The following PLBD1 variants were observed in gnomAD, a reference collection of about 807,000 sequenced individuals.
The protein encoded by PLBD1 is phospholipase B domain containing 1, also known as lysosomal leucine aminopeptidase.
In PLBD1, 60 loss-of-function variants were observed where a neutral mutation model predicts 63.0. That is an observed-to-expected ratio of 0.95 (90% confidence interval 0.77 to 1.18). PLBD1 has a LOEUF of 1.18. Among genes scored for constraint, PLBD1 ranks in the 50% most tolerant of loss-of-function variants. The pLI is 0.00. For synonymous variants in PLBD1, 262 were observed against 248.0 expected (o/e 1.06, Z -0.53); for missense variants, 598 against 677.9 (o/e 0.88, Z 1.31).
intron 6 of PLBD1, among the ~76,000 whole-genome samples, chr12:14,526,794 G>A (rs1945418388): frequency 6.6e-6 from 1 of 152,110 alleles, no homozygotes; most frequent in African/African-American, 2.4e-5. Flanking sequence ...CCAACATGAA[G>A]AAACCCCATC....
At chr12:14,532,138 C>T (rs1045721105) in intron 6 of PLBD1, among the ~76,000 whole-genome samples, 12 of 152,190 alleles carry the variant, frequency 7.9e-5, no homozygotes, top group Admixed American at 7.9e-4. Context: ...AGGTGAGAAG[C>T]CTATAAGTCG....
intron 5 of PLBD1, chr12:14,536,271 C>T (rs1945513843): frequency 3.3e-6 from 1 of 305,760 alleles, no homozygotes. Context: ...TGCACTCCAG[C>T]CTGGGCAACA....
intron 6 of PLBD1, among the ~76,000 whole-genome samples, chr12:14,535,109 T>C (rs1945502117): frequency 6.6e-6 from 1 of 152,228 alleles, no homozygotes; most frequent in Non-Finnish European, 1.5e-5. Context: ...TTGTAGCACA[T>C]ACAGTATCCA....
At chr12:14,521,952 T>TA (rs1027884017) in intron 6 of PLBD1, among the ~76,000 whole-genome samples, 18 of 150,676 alleles carry the variant, frequency 1.2e-4, no homozygotes, top group East Asian at 9.7e-4. Context: ...GAGATATCAT[T>TA]AAAAAAAAAC....
rs1353458407 is a variant in PLBD1 at position 14,535,409 on chromosome 12, AT to A, written c.844+249del. ...ACTCAGTTGGCATTTGTTGAAATAA[AT>A]TTAGATGTAGCCATTTACATTTACA... is the stretch of plus-strand genomic sequence containing the variant. On this transcript the variant is annotated intron_variant, in intron 6 of 10. Coordinates refer to ENST00000240617, the MANE Select transcript of PLBD1 (RefSeq NM_024829.6). Among the ~76,000 whole-genome samples the A allele has an allele frequency of 2.0e-5, 3 of 152,248 alleles. No individual in the cohort carries two copies. The South Asian group carries it at 6.2e-4, about 31-fold the overall frequency.
intron 3 of PLBD1, 74 bp downstream of exon 3, chr12:14,542,134 A>C: frequency 1.5e-6 from 2 of 1,318,876 alleles, no homozygotes. Flanking sequence ...TTGGCAAAAA[A>C]TTGCTGCTTG....
At chr12:14,563,925 C>T (rs558961771) in intron 1 of PLBD1, among the ~76,000 whole-genome samples, 8 of 152,190 alleles carry the variant, frequency 5.3e-5, no homozygotes, top group African/African-American at 1.7e-4. Flanking sequence ...GGCCTTATGT[C>T]GAATGAATTT....
intron 1 of PLBD1, among the ~76,000 whole-genome samples, chr12:14,567,112 C>A (rs1365206792): frequency 1.3e-5 from 2 of 152,062 alleles, no homozygotes; most frequent in African/African-American, 4.8e-5. Context: ...ACAACAAAAC[C>A]AAAAGGCCCT....
rs748716383 is a variant in PLBD1 at position 14,507,063 on chromosome 12, G to A, written c.1242C>T (p.Gly414=). Residue 414 remains glycine, a synonymous_variant, in exon 9 of 11, where the codon GGC becomes GGT. Transcript: ENST00000240617. ...CCAGCTTCTGAACTAACAGTGGATAGCCACTCCAGTTGTAGATTTTTTCAT... is the reference window on the plus strand; with the variant it reads ...CCAGCTTCTGAACTAACAGTGGATAACCACTCCAGTTGTAGATTTTTTCAT... The part of the protein sequence containing the change: ...PFHEKIYNWS[G]YPLLVQKLGL... 3.0e-5 allele frequency: 49 copies of A among 1,613,660 alleles called. No individual in the cohort carries two copies. Among genetic ancestry groups the A allele is most frequent in the Non-Finnish European group, 3.7e-5 (44 of 1,179,748 alleles).
At chr12:14,504,472 A>C (rs1415452362) in intron 10 of PLBD1, among the ~76,000 whole-genome samples, 1 of 152,256 alleles carries the variant, frequency 6.6e-6, no homozygotes, top group African/African-American at 2.4e-5. Context: ...AATGTAGCCA[A>C]AAGTGAGATA....
intron 6 of PLBD1, among the ~76,000 whole-genome samples, chr12:14,515,446 T>TATA (rs888805907): frequency 5.3e-5 from 8 of 152,080 alleles, no homozygotes; most frequent in Non-Finnish European, 1.0e-4. Context: ...AAAATCCATT[T>TATA]ATAATTCTTT....
intron 8 of PLBD1, among the ~76,000 whole-genome samples, chr12:14,510,225 TACTAAAA>T (rs1484913083): frequency 6.6e-6 from 1 of 152,102 alleles, no homozygotes; most frequent in Admixed American, 6.5e-5. Flanking sequence ...ACCCCGTCTC[TACTAAAA>T]ACACACAAAA....
chr12:14,551,804 G>A (rs932658426), intron 2 of PLBD1, among the ~76,000 whole-genome samples: 1 of 152,044 alleles, frequency 6.6e-6, no homozygotes, highest in Non-Finnish European at 1.5e-5. Flanking sequence ...TCAAACTCAC[G>A]ACTCAATTTA....
At chr12:14,544,300 A>C (rs186841173) in intron 2 of PLBD1, among the ~76,000 whole-genome samples, 4 of 152,260 alleles carry the variant, frequency 2.6e-5, no homozygotes, top group Non-Finnish European at 5.9e-5. Context: ...CAGCCTCCCG[A>C]GTAGCTGGGA....
chr12:14,542,109 G>A, intron 3 of PLBD1, 99 bp downstream of exon 3: 2 of 924,776 alleles, frequency 2.2e-6, no homozygotes, highest in Non-Finnish European at 3.5e-6. Context: ...TCCTGCTAAA[G>A]AGATTAAAAA....
chr12:14,504,475 G>A (rs1945234554), intron 10 of PLBD1, among the ~76,000 whole-genome samples: 1 of 152,240 alleles, frequency 6.6e-6, no homozygotes, highest in Non-Finnish European at 1.5e-5. Flanking sequence ...GTAGCCAAAA[G>A]TGAGATATGA....
chr12:14,521,734 A>G (rs1945378150), intron 6 of PLBD1, among the ~76,000 whole-genome samples: 1 of 152,288 alleles, frequency 6.6e-6, no homozygotes, highest in South Asian at 2.1e-4. Context: ...CAGGGACACA[A>G]GAAATATGAA....
intron 3 of PLBD1, among the ~76,000 whole-genome samples, chr12:14,541,761 A>G (rs1187969382): frequency 6.6e-6 from 1 of 152,224 alleles, no homozygotes; most frequent in Non-Finnish European, 1.5e-5. Flanking sequence ...AACTTTATTA[A>G]AATGGAAATA....
chr12:14,567,163 A>G (rs2136938584), intron 1 of PLBD1, among the ~76,000 whole-genome samples: 1 of 152,346 alleles, frequency 6.6e-6, no homozygotes, highest in South Asian at 2.1e-4. Flanking sequence ...ACAATCGTGC[A>G]ATCGTGATTT....
Sources: gnomAD v4.1 joint callset for allele counts (sites outside exome capture counted in the v4.1 genomes callset) on GRCh38, gnomAD v4.1.1 for gene constraint, MANE v1.5 for transcripts, NCBI Gene and HGNC (gene_info 2026-07-23, HGNC 2026-07-21) for gene names.